IQCN: variants seen among roughly 807,000 people sequenced by gnomAD.
The protein encoded by IQCN is IQ domain-containing protein N.
Under a neutral mutation model 64.4 loss-of-function variants are expected in IQCN, and 46 were observed. The observed-to-expected ratio is 0.71, with a 90% CI of 0.56 to 0.91. The LOEUF is 0.91. Ranked by LOEUF, IQCN falls within the 40% of genes least tolerant of loss-of-function variation. The pLI is 0.00. For missense variants in IQCN, 1,753 were observed against 1,857.4 expected (o/e 0.94, Z 1.03); for synonymous variants, 733 against 775.6 (o/e 0.95, Z 0.91).
chr19:18,265,187 A>G lies in IQCN; in HGVS notation c.2353T>C (p.Cys785Arg). 2 of 1,610,446 alleles carry G rather than the reference A, an allele frequency of 1.2e-6. No homozygotes were observed. Among genetic ancestry groups the G allele is most frequent in the South Asian group, 2.2e-5 (2 of 91,082 alleles). The change falls in exon 3 of 4, where the codon TGC becomes CGC. Residue 785 changes from cysteine to arginine, a missense_variant. Cys to Arg is a radical substitution (Grantham distance 180). Coordinates refer to ENST00000392413, the MANE Select transcript of IQCN (RefSeq NM_001145304.2). This position sits in a 1 kb window ranked among gnomAD's most constrained non-coding sequence, Gnocchi z 4.7. ...LTGSKVSNHA[C>R]QRLGGLSAPP... Reference sequence around the variant, plus strand: ...GCGCTGAGGCCACCGAGGCGCTGGCAGGCGTGGTTGGACACCTTGGACCCT... The same window carrying G: ...GCGCTGAGGCCACCGAGGCGCTGGCGGGCGTGGTTGGACACCTTGGACCCT...
intron 1 of IQCN, among the ~76,000 whole-genome samples, chr19:18,271,523 G>A (rs1488231382): frequency 6.6e-6 from 1 of 151,942 alleles, no homozygotes; most frequent in African/African-American, 2.4e-5. Context: ...AGGGCTGAGG[G>A]AGTATCCCCA....
At chr19:18,258,484 C>G (rs777891340) in intron 3 of IQCN, 1 of 485,506 alleles carries the variant, frequency 2.1e-6, no homozygotes. Context: ...TTTTTAGGGC[C>G]CATGGCGTCC....
At chr19:18,258,203 A>ACC (rs1969356021) in intron 3 of IQCN, 97 bp from the exon 4 acceptor site, 3 of 1,378,520 alleles carry the variant, frequency 2.2e-6, no homozygotes, top group Non-Finnish European at 3.0e-6. Flanking sequence ...CCTGGTTAAA[A>ACC]AGGGGTGGCA....
intron 2 of IQCN, among the ~76,000 whole-genome samples, chr19:18,268,568 C>T (rs1282029708): frequency 1.3e-5 from 2 of 152,080 alleles, no homozygotes; most frequent in African/African-American, 2.4e-5. Context: ...TGGCTCATGT[C>T]TGTCATTCCA....
Position 18,267,528 on chromosome 19 carries a change from T to C in IQCN, c.14-2A>G, listed in dbSNP as rs1038541707. On this transcript the variant is annotated splice_acceptor_variant, in intron 2 of 3. Coordinates refer to ENST00000392413, the MANE Select transcript of IQCN (RefSeq NM_001145304.2). LOFTEE classifies it high-confidence loss of function. Reference sequence around the variant, plus strand: ...GATTACCGGACAGGTCAGCTCTGCCTGTGGGGGCGGCAGGGGGTGGTCAGG... The same window carrying C: ...GATTACCGGACAGGTCAGCTCTGCCCGTGGGGGCGGCAGGGGGTGGTCAGG... 1 of 1,513,986 alleles carries C rather than the reference T, an allele frequency of 6.6e-7. No homozygotes were observed. Among genetic ancestry groups the C allele is most frequent in the Non-Finnish European group, 8.8e-7 (1 of 1,133,530 alleles). The allele number at this position is 1,513,986 out of a possible 1,614,324, so 93.8% of individuals were successfully genotyped here.
At position 18,266,088 on chromosome 19, in the gene IQCN, G is replaced by A. The variant is rs745814355; in HGVS notation, c.1452C>T (p.Ser484=). 6 of 1,614,118 alleles carry A rather than the reference G, an allele frequency of 3.7e-6. No homozygotes were observed. The South Asian group carries it at 6.6e-5, about 18-fold the overall frequency. Residue 484 remains serine (S), a synonymous_variant, in exon 3 of 4, where the codon AGC becomes AGT. Transcript: ENST00000392413. The surrounding 1 kb of genome is among the most constrained non-coding windows in gnomAD (Gnocchi z 4.3). ...ATMSKTSSQR[S]PVGVTKPSPQ... Reference sequence around the variant, plus strand: ...GTGAGGGCTTGGTCACCCCAACTGGGCTCCTCTGGGATGAAGTCTTGGACA... The same window carrying A: ...GTGAGGGCTTGGTCACCCCAACTGGACTCCTCTGGGATGAAGTCTTGGACA...
chr19:18,271,313 T>C (rs1018043764), intron 1 of IQCN, among the ~76,000 whole-genome samples: 3 of 150,404 alleles, frequency 2.0e-5, no homozygotes, highest in Non-Finnish European at 3.0e-5. Context: ...CTACTAAAAA[T>C]ACAAAAATTA....
rs1969348365 is a variant in IQCN at position 18,258,029 on chromosome 19, C to G, written c.3255G>C (p.Trp1085Cys). 6.2e-7 allele frequency: 1 copy of G among 1,612,702 alleles called. No individual in the cohort carries two copies. Among genetic ancestry groups the G allele is most frequent in the Non-Finnish European group, 8.5e-7 (1 of 1,179,928 alleles). The stretch of plus-strand genomic sequence containing the variant: ...CCACCGCCTTGTTGCGCCAGGTGTC[C>G]CAGGACGCAGCACCCCTGGCTGGCT... ...AWEPARGAAS[W>C]DTWRNKAVVP... The change falls in exon 4 of 4, where the codon TGG becomes TGC. Residue 1085 changes from tryptophan to cysteine, a missense_variant. Transcript: ENST00000392413.
intron 3 of IQCN, chr19:18,258,785 AGTG>A: frequency 6.0e-5 from 14 of 233,240 alleles, no homozygotes; most frequent in South Asian, 1.1e-4. Context: ...GTATGACGTG[AGTG>A]ACAGACCCCT....
chr19:18,266,305 G>C lies in IQCN; in HGVS notation c.1235C>G (p.Thr412Ser). 1.2e-6 allele frequency: 2 copies of C among 1,613,674 alleles called. No homozygotes were observed. The highest frequency in any genetic ancestry group is 2.2e-5 in the South Asian group (2 of 91,012). ...KIQVHPTASR[T>S]GTPRQTCPAT... is the part of the protein sequence containing the mutation. ...AGGGCATGTCTGCCGTGGGGTGCCAGTTCTGGAGGCTGTGGGGTGTACCTG... is the reference window on the plus strand; with the variant it reads ...AGGGCATGTCTGCCGTGGGGTGCCACTTCTGGAGGCTGTGGGGTGTACCTG... Residue 412 changes from threonine to serine, a missense_variant, in exon 3 of 4, where the codon ACT becomes AGT. Coordinates refer to ENST00000392413, the MANE Select transcript of IQCN (RefSeq NM_001145304.2). This position sits in a 1 kb window ranked among gnomAD's most constrained non-coding sequence, Gnocchi z 4.3.
Position 18,267,456 on chromosome 19 carries a change from G to A in IQCN, c.84C>T (p.Val28=), listed in dbSNP as rs771016331. The stretch of plus-strand genomic sequence containing the variant: ...CTGGAGGATGCACCGCCCACTGGGT[G>A]ACAACTGGCTCGTGAACTGTAGCTA... ...GRLATVHEPV[V]TQWAVHPPAP... is the part of the protein sequence containing the mutation. Residue 28 remains valine, a synonymous_variant, in exon 3 of 4, where the codon GTC becomes GTT. Transcript: ENST00000392413. 5.2e-6 allele frequency: 8 copies of A among 1,545,926 alleles called. No individual in the cohort carries two copies. The highest frequency in any genetic ancestry group is 7.0e-6 in the Non-Finnish European group (8 of 1,148,284).
At chr19:18,261,290 G>A (rs1969423005) in intron 3 of IQCN, 1 of 153,118 alleles carries the variant, frequency 6.5e-6, no homozygotes, top group Non-Finnish European at 1.5e-5. Context: ...GAGGAGGCTG[G>A]GCCAGGCTTG....
intron 2 of IQCN, among the ~76,000 whole-genome samples, chr19:18,268,683 G>A (rs1000717083): frequency 6.6e-6 from 1 of 151,884 alleles, no homozygotes; most frequent in African/African-American, 2.4e-5. Context: ...AGAAAAGTAG[G>A]CCAGGCACAG....
chr19:18,259,270 G>A (rs1484528863), intron 3 of IQCN: 1 of 152,076 alleles, frequency 6.6e-6, no homozygotes, highest in Non-Finnish European at 1.5e-5. Flanking sequence ...GAGGTAAGGA[G>A]GGGCAGTGAT....
rs760163743 is a variant in IQCN at position 18,257,669 on chromosome 19, G to A, written c.3615C>T (p.Ser1205=). The A allele has an allele frequency of 1.7e-5, 28 of 1,607,918 alleles. No individual in the cohort carries two copies. Among genetic ancestry groups the A allele is most frequent in the Non-Finnish European group, 2.3e-5 (27 of 1,176,660 alleles). The part of the protein sequence containing the change: ...GSRAGVMSDR[S]WFQDGRARTV... The stretch of plus-strand genomic sequence containing the variant: ...TCCTGGCTCTGCCATCCTGGAACCA[G>A]CTTCGGTCAGACATGACCCCGGCCC... The change falls in exon 4 of 4, where the codon AGC becomes AGT. Residue 1205 remains serine (S), a synonymous_variant. Transcript: ENST00000392413.
intron 3 of IQCN, 23 bp from the exon 4 acceptor site, chr19:18,258,129 G>T (rs776294677): frequency 1.2e-6 from 2 of 1,603,892 alleles, no homozygotes; most frequent in Non-Finnish European, 1.7e-6. Flanking sequence ...GGAGTTCAGG[G>T]ATGCCTTGTG....
At chr19:18,258,907 C>CGG (rs1969373627) in intron 3 of IQCN, 1 of 172,368 alleles carries the variant, frequency 5.8e-6, no homozygotes, top group African/African-American at 2.4e-5. Context: ...GAGACCCTTT[C>CGG]TCAGACAGGG....
In IQCN at chr19:18,266,490, C is replaced by T. The variant is rs1185123616; in HGVS notation, c.1050G>A (p.Leu350=). 5 of 1,595,654 alleles carry T rather than the reference C, an allele frequency of 3.1e-6. No homozygotes were observed. In the African/African-American group the frequency reaches 6.7e-5, roughly 22 times the overall value. Residue 350 remains leucine, a synonymous_variant, in exon 3 of 4, where the codon CTG becomes CTA. Coordinates refer to ENST00000392413, the MANE Select transcript of IQCN (RefSeq NM_001145304.2). The surrounding 1 kb of genome is among the most constrained non-coding windows in gnomAD (Gnocchi z 4.3). ...TCGTGGACGCTGGATATGTCTGTGG[C>T]AGGGTCACGGAGACCACTGGATATG... ...LQTYPVVSVT[L]PQTYPASTMT...
chr19:18,272,111 G>A (rs1969745719), intron 1 of IQCN, among the ~76,000 whole-genome samples: 1 of 148,854 alleles, frequency 6.7e-6, no homozygotes, highest in South Asian at 2.2e-4. Flanking sequence ...ACAGGCGTGA[G>A]CCACCGCGCC....
Sources: allele counts gnomAD v4.1 joint callset (sites outside exome capture counted in the v4.1 genomes callset), GRCh38; gene constraint gnomAD v4.1.1; non-coding constraint Gnocchi (gnomAD v3.1); transcripts MANE v1.5; gene names NCBI Gene and HGNC (gene_info 2026-07-23, HGNC 2026-07-21).